The following PRPSAP1 variants were observed in gnomAD, a reference collection of about 807,000 sequenced individuals.
The protein encoded by PRPSAP1 is phosphoribosyl pyrophosphate synthetase associated protein 1.
A neutral mutation model predicts 39.4 loss-of-function variants in PRPSAP1; 31 were observed. The observed-to-expected ratio is 0.79, with a 90% CI of 0.59 to 1.06. The LOEUF (loss-of-function observed/expected upper bound fraction) is 1.06. PRPSAP1 is among the 50% of genes least tolerant of loss of function. The pLI is 0.00. For synonymous variants in PRPSAP1, 212 were observed against 192.6 expected (o/e 1.10, Z -0.83); for missense variants, 430 against 511.6 (o/e 0.84, Z 1.54).
At chr17:76,351,531 C>G (rs1424649719) in intron 1 of PRPSAP1, among the ~76,000 whole-genome samples, 1 of 148,866 alleles carries the variant, frequency 6.7e-6, no homozygotes, top group Non-Finnish European at 1.5e-5. Context: ...AAACAAAAAA[C>G]AAAAAACTAG....
chr17:76,339,580 T>C (rs1450144505), intron 3 of PRPSAP1, among the ~76,000 whole-genome samples: 1 of 151,686 alleles, frequency 6.6e-6, no homozygotes, highest in East Asian at 1.9e-4. Context: ...TATTTTTGCT[T>C]TGATGCTCTT....
intron 2 of PRPSAP1, 148 bp downstream of exon 2, chr17:76,348,381 G>A: frequency 3.1e-6 from 1 of 319,648 alleles, no homozygotes; most frequent in Non-Finnish European, 5.6e-6. Flanking sequence ...GCTGAGGCAG[G>A]AGAATTGCTT....
intron 3 of PRPSAP1, among the ~76,000 whole-genome samples, chr17:76,343,209 G>A (rs2071459063): frequency 6.6e-6 from 1 of 152,222 alleles, no homozygotes; most frequent in South Asian, 2.1e-4. Flanking sequence ...ATTTTTCAGA[G>A]ACACAGATGG....
In PRPSAP1 at chr17:76,336,437, C is replaced by A. The variant is rs374916016; in HGVS notation, c.291-4002G>T. 1.5e-3 allele frequency among the ~76,000 whole-genome samples: 192 copies of A among 132,358 alleles called. 2 individuals are homozygous for A. Among genetic ancestry groups the A allele is most frequent in the Non-Finnish European group, 1.4e-3 (89 of 63,732 alleles). 86.8% of individuals were successfully genotyped at this position (132,358 alleles called of 152,430 possible). ...TGGGCTACAGAGCGAGAATCTTTCT[C>A]AAAAAAAAAAAAAGGCCAGGCACGG... On this transcript the variant is annotated intron_variant, in intron 3 of 9. Transcript: ENST00000446526.
intron 7 of PRPSAP1, chr17:76,314,228 G>GTTATGTATGTATGTATGT (rs1555591439): frequency 3.6e-6 from 1 of 275,108 alleles, no homozygotes; most frequent in African/African-American, 2.2e-5. Flanking sequence ...ATGTATGTAT[G>GTTATGTATGTATGTATGT]TATTTTTTGA....
chr17:76,345,237 TAAAA>T (rs59693380), intron 2 of PRPSAP1, among the ~76,000 whole-genome samples: 3 of 62,192 alleles, frequency 4.8e-5, no homozygotes, highest in African/African-American at 5.4e-5. Flanking sequence ...TCCGTCTCAT[TAAAA>T]AAAAAAAAAA....
chr17:76,352,659 AAAAAAAAAG>A (rs1476556751), intron 1 of PRPSAP1, among the ~76,000 whole-genome samples: 1 of 151,022 alleles, frequency 6.6e-6, no homozygotes, highest in African/African-American at 2.4e-5. Flanking sequence ...AAAAAAAAAA[AAAAAAAAAG>A]AAAAGAAAAA....
At chr17:76,346,296 G>A (rs890996847) in intron 2 of PRPSAP1, among the ~76,000 whole-genome samples, 3 of 152,258 alleles carry the variant, frequency 2.0e-5, no homozygotes, top group Middle Eastern at 3.4e-3. Flanking sequence ...ATTGATGTGG[G>A]GAAAGCACCT....
At position 76,311,374 on chromosome 17, in the gene PRPSAP1, T is replaced by A; in HGVS notation, c.*168A>T. 1 of 669,316 alleles carries A rather than the reference T, an allele frequency of 1.5e-6. No homozygotes were observed. The highest frequency in any genetic ancestry group is 2.3e-5 in the South Asian group (1 of 43,846). 41.5% of individuals were successfully genotyped at this position (669,316 alleles called of 1,614,324 possible). On this transcript the variant is annotated 3_prime_UTR_variant, in exon 10 of 10. Transcript: ENST00000446526. ...TTATGATATTTATCCATTAGCTCTG[T>A]CTTCTTCCTGACTCTTTTAATCCCT...
intron 7 of PRPSAP1, among the ~76,000 whole-genome samples, chr17:76,321,058 C>T (rs1478968197): frequency 6.6e-6 from 1 of 152,106 alleles, no homozygotes; most frequent in Non-Finnish European, 1.5e-5. Context: ...GTTGGGACTA[C>T]AGGCATGAGC....
intron 7 of PRPSAP1, among the ~76,000 whole-genome samples, chr17:76,316,402 A>G (rs2071124489): frequency 6.6e-6 from 1 of 152,142 alleles, no homozygotes; most frequent in Non-Finnish European, 1.5e-5. Flanking sequence ...CTTTCTGCCC[A>G]ATATACTCAT....
intron 3 of PRPSAP1, among the ~76,000 whole-genome samples, chr17:76,334,809 C>T (rs1031761937): frequency 9.2e-5 from 14 of 152,050 alleles, no homozygotes; most frequent in East Asian, 7.7e-4. Flanking sequence ...TTAATAATGC[C>T]AAGTCTGGCA....
intron 7 of PRPSAP1, among the ~76,000 whole-genome samples, chr17:76,323,537 A>G (rs776816006): frequency 2.0e-5 from 3 of 152,046 alleles, no homozygotes; most frequent in African/African-American, 4.8e-5. Flanking sequence ...TCTAACCCTC[A>G]TGGATGACTC....
At chr17:76,348,425 A>G (rs1208777867) in intron 2 of PRPSAP1, 104 bp downstream of exon 2, 27 of 595,820 alleles carry the variant, frequency 4.5e-5, no homozygotes, top group Non-Finnish European at 6.5e-5. Context: ...GTGAGCCAAG[A>G]TCATGCCACT....
At chr17:76,329,355 C>T (rs185823138) in intron 6 of PRPSAP1, among the ~76,000 whole-genome samples, 6 of 152,068 alleles carry the variant, frequency 3.9e-5, no homozygotes, top group Non-Finnish European at 8.8e-5. Flanking sequence ...TGAGCCACCC[C>T]GCCTGGCCCT....
intron 3 of PRPSAP1, among the ~76,000 whole-genome samples, chr17:76,343,606 G>A (rs2071463346): frequency 6.6e-6 from 1 of 152,160 alleles, no homozygotes; most frequent in Non-Finnish European, 1.5e-5. Flanking sequence ...AGGCTGAGGT[G>A]CATGGATCAC....
intron 3 of PRPSAP1, among the ~76,000 whole-genome samples, chr17:76,334,660 T>G (rs1396048832): frequency 6.6e-6 from 1 of 152,160 alleles, no homozygotes; most frequent in African/African-American, 2.4e-5. Flanking sequence ...AATGTCTCCC[T>G]GAGGAGACTG....
At chr17:76,343,398 G>A (rs1567808662) in intron 3 of PRPSAP1, among the ~76,000 whole-genome samples, 1 of 152,242 alleles carries the variant, frequency 6.6e-6, no homozygotes, top group Non-Finnish European at 1.5e-5. Context: ...AAGATAAAAT[G>A]CAGTGCAAAA....
intron 2 of PRPSAP1, among the ~76,000 whole-genome samples, chr17:76,345,306 A>C (rs1020392228): frequency 6.7e-6 from 1 of 148,748 alleles, no homozygotes; most frequent in Non-Finnish European, 1.5e-5. Flanking sequence ...GTCTCTACTA[A>C]AAATACAAAA....
Sources: allele counts gnomAD v4.1 joint callset (sites outside exome capture counted in the v4.1 genomes callset), GRCh38; gene constraint gnomAD v4.1.1; transcripts MANE v1.5; gene names NCBI Gene and HGNC (gene_info 2026-07-23, HGNC 2026-07-21).